TRIM44: variants seen among roughly 807,000 people sequenced by gnomAD.
The protein encoded by TRIM44 is tripartite motif-containing protein 44.
Under a neutral mutation model 37.4 loss-of-function variants are expected in TRIM44, and 13 were observed. The ratio of observed to expected loss-of-function variants is 0.35; its 90% CI spans 0.23 to 0.55. The LOEUF (loss-of-function observed/expected upper bound fraction) is 0.55. Ranked by LOEUF, TRIM44 falls within the 20% of genes least tolerant of loss-of-function variation. The pLI is 0.89. For missense variants in TRIM44, 426 were observed against 437.2 expected (o/e 0.97, Z 0.23); for synonymous variants, 175 against 157.2 (o/e 1.11, Z -0.85).
chr11:35,666,394 CAT>C (rs1851332959), intron 1 of TRIM44, among the ~76,000 whole-genome samples: 1 of 152,074 alleles, frequency 6.6e-6, no homozygotes, highest in Non-Finnish European at 1.5e-5. Context: ...TTCTTAGAAT[CAT>C]AGTATTAAAA....
chr11:35,714,304 T>G (rs1212069341), intron 2 of TRIM44, among the ~76,000 whole-genome samples: 1 of 152,188 alleles, frequency 6.6e-6, no homozygotes, highest in Non-Finnish European at 1.5e-5. Context: ...TATTATTTTG[T>G]GTTAAGTTTA....
intron 4 of TRIM44, among the ~76,000 whole-genome samples, chr11:35,744,548 GT>G (rs541879551): frequency 4.7e-4 from 69 of 146,778 alleles, no homozygotes; most frequent in South Asian, 8.7e-4. Context: ...TGGGCACCCT[GT>G]TTTTTTTTTT....
chr11:35,694,603 T>C (rs1851674928), intron 2 of TRIM44, among the ~76,000 whole-genome samples: 1 of 151,756 alleles, frequency 6.6e-6, no homozygotes, highest in Admixed American at 6.6e-5. Context: ...AAGATAAGAG[T>C]CTTATGATAG....
chr11:35,734,846 G>A (rs751521388), intron 3 of TRIM44, among the ~76,000 whole-genome samples: 41 of 152,184 alleles, frequency 2.7e-4, no homozygotes, highest in Middle Eastern at 3.2e-3. Context: ...AACCACTTAC[G>A]GAGGAGAAGA....
chr11:35,663,726 G>A lies in TRIM44; in HGVS notation c.615G>A (p.Gly205=), dbSNP rs1851302815. The A allele has an allele frequency of 1.2e-6, 2 of 1,614,068 alleles. No individual in the cohort carries two copies. The highest frequency in any genetic ancestry group is 1.3e-5 in the African/African-American group (1 of 75,000). The part of the protein sequence containing the change: ...QLICVLCPVI[G]AHQGHQLSTL... The stretch of plus-strand genomic sequence containing the variant: ...TCTGTGTCCTGTGTCCAGTCATTGG[G>A]GCTCACCAGGGCCACCAACTCTCCA... Residue 205 remains glycine, a synonymous_variant, in exon 1 of 5, where the codon GGG becomes GGA. Coordinates refer to ENST00000299413, the MANE Select transcript of TRIM44 (RefSeq NM_017583.6).
At chr11:35,706,941 G>C (rs1846693806) in intron 2 of TRIM44, among the ~76,000 whole-genome samples, 1 of 150,538 alleles carries the variant, frequency 6.6e-6, no homozygotes, top group Non-Finnish European at 1.5e-5. Context: ...GGAAATAAAG[G>C]GTATTCAATT....
intron 1 of TRIM44, among the ~76,000 whole-genome samples, chr11:35,664,688 G>T (rs1017659094): frequency 1.3e-5 from 2 of 152,088 alleles, no homozygotes; most frequent in Non-Finnish European, 2.9e-5. Flanking sequence ...CCCTTTTTTA[G>T]TGCCTATTTA....
At chr11:35,780,924 A>C (rs1292313750) in intron 4 of TRIM44, among the ~76,000 whole-genome samples, 4 of 152,142 alleles carry the variant, frequency 2.6e-5, no homozygotes, top group African/African-American at 7.2e-5. Context: ...AGGGTGAACA[A>C]ATCAGATGAG....
intron 4 of TRIM44, among the ~76,000 whole-genome samples, chr11:35,800,068 CT>C (rs34684782): frequency 0.98 from 148,648 of 152,274 alleles, 72,616 homozygotes; most frequent in East Asian, 1. Flanking sequence ...ATCTCGCTGA[CT>C]TTCAAGAATG....
chr11:35,675,173 A>G (rs1851446588), intron 1 of TRIM44, among the ~76,000 whole-genome samples: 1 of 152,216 alleles, frequency 6.6e-6, no homozygotes, highest in Admixed American at 6.5e-5. Context: ...ATGGTAGATG[A>G]ACATGAAGTA....
At chr11:35,805,862 C>A (rs951258399) in intron 4 of TRIM44, among the ~76,000 whole-genome samples, 3 of 152,098 alleles carry the variant, frequency 2.0e-5, no homozygotes, top group African/African-American at 7.2e-5. Flanking sequence ...GGCATATGTC[C>A]CTATGGCATG....
At chr11:35,756,060 A>T (rs1223259444) in intron 4 of TRIM44, among the ~76,000 whole-genome samples, 1 of 152,220 alleles carries the variant, frequency 6.6e-6, no homozygotes. Flanking sequence ...TGGTAGCTTC[A>T]TGGGGATGAC....
Position 35,771,266 on chromosome 11 carries a change from C to A in TRIM44, c.1008-35092C>A, listed in dbSNP as rs139616678. ...AGATGAGGAAGTTGTTGGAAACTGG[C>A]GCAAAGGTGACTCTTGTTATGTTTT... On this transcript the variant is annotated intron_variant, in intron 4 of 4. Transcript: ENST00000299413. 3.9e-3 allele frequency among the ~76,000 whole-genome samples: 589 copies of A among 152,220 alleles called. 6 individuals carry two copies. The highest frequency in any genetic ancestry group is 0.014 in the African/African-American group (567 of 41,512).
At chr11:35,737,980 T>TTAAACTATCTCCTTGGCCC (rs1852346551) in intron 4 of TRIM44, among the ~76,000 whole-genome samples, 1 of 152,210 alleles carries the variant, frequency 6.6e-6, no homozygotes, top group Non-Finnish European at 1.5e-5. Context: ...TAGATGCACT[T>TTAAACTATCTCCTTGGCCC]TAAACTATCT....
rs377623025 is a variant in TRIM44, at chr11:35,663,430, T to A, written c.319T>A (p.Ser107Thr). Reference sequence around the variant, plus strand: ...GAGTGAGTCGGAGGAAGAGAGCGAGTCAGAGGAAGAGAGCGAGACAGAGGA... The same window carrying A: ...GAGTGAGTCGGAGGAAGAGAGCGAGACAGAGGAAGAGAGCGAGACAGAGGA... ...EESESEEESESEEESETEEES... is the reference protein window; with the variant it reads ...EESESEEESETEEESETEEES... Residue 107 changes from serine to threonine, a missense_variant, in exon 1 of 5, where the codon TCA (serine) becomes ACA (threonine). By Grantham distance (58) the Ser-to-Thr change is moderately conservative (BLOSUM62 1). This residue lies in a region of TRIM44 where 331 missense variants were observed against 303.0 expected (regional missense o/e 1.09). Coordinates refer to ENST00000299413, the MANE Select transcript of TRIM44 (RefSeq NM_017583.6). 1.9e-6 allele frequency: 3 copies of A among 1,565,352 alleles called. No homozygotes were observed. The highest frequency in any genetic ancestry group is 2.7e-5 in the African/African-American group (2 of 73,002).
At chr11:35,738,222 A>T (rs1328926626) in intron 4 of TRIM44, among the ~76,000 whole-genome samples, 4 of 152,370 alleles carry the variant, frequency 2.6e-5, no homozygotes, top group South Asian at 4.1e-4. Flanking sequence ...TGCCAGAGTC[A>T]CATTGATTAG....
intron 4 of TRIM44, among the ~76,000 whole-genome samples, chr11:35,758,021 G>A (rs1194551219): frequency 2.0e-5 from 3 of 152,112 alleles, no homozygotes; most frequent in Non-Finnish European, 4.4e-5. Flanking sequence ...AGGTCCGCTT[G>A]GTGCAGAGCT....
chr11:35,811,454 G>C lies in TRIM44; in HGVS notation c.*5069G>C, dbSNP rs1385350924. On this transcript the variant is annotated 3_prime_UTR_variant, in exon 5 of 5. Coordinates refer to ENST00000299413, the MANE Select transcript of TRIM44 (RefSeq NM_017583.6). ...TTTCTAGAAAAAAAAATGTCTTTTA[G>C]AGCAAATTACAGTTAGGCCAACAAA... 3.3e-5 allele frequency: 5 copies of C among 152,060 alleles called. No homozygotes were observed. Among genetic ancestry groups the C allele is most frequent in the Admixed American group, 2.6e-4 (4 of 15,278 alleles). 9.4% of individuals were successfully genotyped at this position (152,060 alleles called of 1,614,324 possible).
At chr11:35,776,826 G>A (rs540935478) in intron 4 of TRIM44, among the ~76,000 whole-genome samples, 111 of 152,316 alleles carry the variant, frequency 7.3e-4, no homozygotes, top group Non-Finnish European at 1.3e-3. Context: ...GAGACAGTTT[G>A]TTACAATTTC....
Sources: gnomAD v4.1 joint callset for allele counts (sites outside exome capture counted in the v4.1 genomes callset) on GRCh38, gnomAD v4.1.1 for gene constraint, gnomAD v4.1.1 regional missense constraint, MANE v1.5 for transcripts, NCBI Gene and HGNC (gene_info 2026-07-23, HGNC 2026-07-21) for gene names.